Variants in ZNF566 observed in about 807,000 individuals in gnomAD.
ZNF566 encodes the protein zinc finger protein 566.
A neutral mutation model predicts 32.8 loss-of-function variants in ZNF566; 27 were observed. The observed-to-expected ratio is 0.82, with a 90% CI of 0.61 to 1.14. ZNF566 has a LOEUF of 1.14. ZNF566 is among the 50% of genes most tolerant of loss of function. The probability of loss-of-function intolerance (pLI) is 0.00; values close to 1 mark genes in which losing one functional copy is unlikely to be tolerated. For synonymous variants in ZNF566, 154 were observed against 159.5 expected, an observed-to-expected ratio of 0.97 and a Z score of 0.26; for missense variants, 402 against 490.4, an observed-to-expected ratio of 0.82 and a Z score of 1.70.
intron 4 of ZNF566, 138 bp downstream of exon 4, chr19:36,472,773 A>G (rs1239947312): frequency 4.7e-6 from 3 of 644,232 alleles, no homozygotes; most frequent in Non-Finnish European, 8.0e-6. Flanking sequence ...AGGTAGGATC[A>G]TTTGAAAGCT....
At chr19:36,484,072 C>T (rs2034098468) in intron 1 of ZNF566, among the ~76,000 whole-genome samples, 1 of 152,190 alleles carries the variant, frequency 6.6e-6, no homozygotes. Context: ...TGGGGTTTCA[C>T]CATGTTGGTC....
chr19:36,480,565 G>A (rs557132873), intron 1 of ZNF566, among the ~76,000 whole-genome samples: 4 of 140,792 alleles, frequency 2.8e-5, no homozygotes, highest in Admixed American at 7.1e-5. Flanking sequence ...GATTACAGGC[G>A]TGAGCCACCT....
intron 4 of ZNF566, among the ~76,000 whole-genome samples, chr19:36,469,030 T>C (rs889136098): frequency 2.6e-5 from 4 of 151,764 alleles, no homozygotes; most frequent in Non-Finnish European, 4.4e-5. Flanking sequence ...GTATGAAATA[T>C]AGAAATGAAC....
chr19:36,472,688 G>A (rs1193408695), intron 4 of ZNF566, among the ~76,000 whole-genome samples: 2 of 152,134 alleles, frequency 1.3e-5, no homozygotes, highest in South Asian at 2.1e-4. Flanking sequence ...GGGTGGAGGA[G>A]GGCACCAGCT....
In ZNF566 at chr19:36,449,095, G is replaced by A; in HGVS notation, c.1139C>T (p.Ser380Leu). 1.2e-6 allele frequency: 2 copies of A among 1,614,060 alleles called. No individual in the cohort carries two copies. The highest frequency in any genetic ancestry group is 1.7e-6 in the Non-Finnish European group (2 of 1,179,992). ...KICGKAYSQS[S>L]QLISHHRIHT... ...AATTCTATGATGACTAATAAGCTGT[G>A]AACTCTGAGAATAAGCCTTCCCACA... The change falls in exon 5 of 5, where the codon TCA (serine) becomes TTA (leucine). Residue 380 changes from serine (S) to leucine (L), a missense_variant. By Grantham distance (145) the Ser-to-Leu change is moderately radical. Coordinates refer to ENST00000452939, the MANE Select transcript of ZNF566 (RefSeq NM_001145344.1).
rs1166799756 is a variant in ZNF566 at position 36,448,347 on chromosome 19, A to G, written c.*630T>C. ...CTACGATATCCACCAATAGGATTTC[A>G]TAAGTGATATTACAGTAACACAACA... is the stretch of plus-strand genomic sequence containing the variant. On this transcript the variant is annotated 3_prime_UTR_variant, in exon 5 of 5. Coordinates refer to ENST00000452939, the MANE Select transcript of ZNF566 (RefSeq NM_001145344.1). 6.6e-6 allele frequency: 1 copy of G among 152,168 alleles called. No individual in the cohort carries two copies. Among genetic ancestry groups the G allele is most frequent in the East Asian group, 1.9e-4 (1 of 5,186 alleles). The allele number at this position is 152,168 out of a possible 1,614,324, so 9.4% of individuals were successfully genotyped here.
chr19:36,470,470 G>A (rs1374769082), intron 4 of ZNF566, among the ~76,000 whole-genome samples: 3 of 152,004 alleles, frequency 2.0e-5, no homozygotes, highest in African/African-American at 4.8e-5. Context: ...CAAACCCACC[G>A]CTTCCTTCCA....
intron 1 of ZNF566, among the ~76,000 whole-genome samples, chr19:36,485,448 TA>T (rs34950405): frequency 0.51 from 52,886 of 104,390 alleles, 13,263 homozygotes; most frequent in African/African-American, 0.55. Context: ...CCTTGTCTAT[TA>T]AAAAAAAAAA....
chr19:36,472,727 G>A (rs937275391), intron 4 of ZNF566, among the ~76,000 whole-genome samples, 184 bp downstream of exon 4: 1 of 152,168 alleles, frequency 6.6e-6, no homozygotes, highest in Admixed American at 6.5e-5. Flanking sequence ...AGGATAAGAG[G>A]AGAAAAGCAG....
At chr19:36,477,900 T>C (rs1357559273) in intron 1 of ZNF566, among the ~76,000 whole-genome samples, 1 of 152,114 alleles carries the variant, frequency 6.6e-6, no homozygotes, top group African/African-American at 2.4e-5. Context: ...AAAGGAAGAC[T>C]ACATTGTTTA....
intron 1 of ZNF566, among the ~76,000 whole-genome samples, chr19:36,486,362 A>G (rs556986472): frequency 1.3e-5 from 2 of 152,172 alleles, no homozygotes; most frequent in Non-Finnish European, 2.9e-5. Flanking sequence ...TCCTTATACT[A>G]TGTTCACAAC....
Position 36,461,590 on chromosome 19 carries a change from G to T in ZNF566, c.232+11321C>A, listed in dbSNP as rs757323825. The stretch of plus-strand genomic sequence containing the variant: ...GGAGGCTGAGGCAGGAGAATCCCCT[G>T]AACCCAGGAGGCAGAGGTTGCAGTG... On this transcript the variant is annotated intron_variant, in intron 4 of 4. Coordinates refer to ENST00000452939, the MANE Select transcript of ZNF566 (RefSeq NM_001145344.1). Among the ~76,000 whole-genome samples, 43 of 152,134 alleles carry T rather than the reference G, an allele frequency of 2.8e-4. No individual in the cohort carries two copies. The South Asian group carries it at 4.6e-3, about 16-fold the overall frequency.
chr19:36,451,932 A>T (rs1341057747), intron 4 of ZNF566, among the ~76,000 whole-genome samples: 2 of 152,064 alleles, frequency 1.3e-5, no homozygotes, highest in Non-Finnish European at 2.9e-5. Flanking sequence ...GCTTGAACCC[A>T]GGAGGTGGAG....
At chr19:36,460,821 T>A (rs931230089) in intron 4 of ZNF566, among the ~76,000 whole-genome samples, 41 of 152,066 alleles carry the variant, frequency 2.7e-4, no homozygotes, top group African/African-American at 9.7e-4. Context: ...TGTAAAAAAA[T>A]ATATATTACT....
chr19:36,457,695 C>G (rs1358921849), intron 4 of ZNF566, among the ~76,000 whole-genome samples: 4 of 152,116 alleles, frequency 2.6e-5, no homozygotes, highest in Non-Finnish European at 5.9e-5. Flanking sequence ...AGTTCGACAC[C>G]AGCCTGACCA....
chr19:36,487,126 ACAAAC>A (rs1281602063), intron 1 of ZNF566, among the ~76,000 whole-genome samples: 2 of 151,552 alleles, frequency 1.3e-5, no homozygotes, highest in Non-Finnish European at 2.9e-5. Flanking sequence ...ACAAGACAAA[ACAAAC>A]CAAAACAAAA....
At chr19:36,485,478 G>T (rs58847706) in intron 1 of ZNF566, among the ~76,000 whole-genome samples, 2 of 148,980 alleles carry the variant, frequency 1.3e-5, no homozygotes, top group African/African-American at 2.5e-5. Flanking sequence ...AAAAGTGGCC[G>T]GTGCTGGGCG....
At chr19:36,487,757 G>A (rs961877042) in intron 1 of ZNF566, among the ~76,000 whole-genome samples, 3 of 151,720 alleles carry the variant, frequency 2.0e-5, no homozygotes, top group Non-Finnish European at 2.9e-5. Flanking sequence ...AAAATTAGCC[G>A]GGTGTGATGG....
intron 1 of ZNF566, among the ~76,000 whole-genome samples, chr19:36,480,273 A>T (rs1467447090): frequency 2.0e-5 from 3 of 147,930 alleles, no homozygotes; most frequent in Non-Finnish European, 4.5e-5. Flanking sequence ...CAAAGACTCC[A>T]TGCAATTTTT....
Sources: allele counts gnomAD v4.1 joint callset (sites outside exome capture counted in the v4.1 genomes callset), GRCh38; gene constraint gnomAD v4.1.1; transcripts MANE v1.5; gene names NCBI Gene and HGNC (gene_info 2026-07-23, HGNC 2026-07-21).